OTOP2: variants seen among roughly 807,000 people sequenced by gnomAD.
OTOP2 encodes the protein otopetrin 2.
OTOP2 carries 41 observed loss-of-function variants against 47.4 expected under a neutral mutation model. That is an observed-to-expected ratio of 0.87 (90% CI 0.67 to 1.12). OTOP2 has a LOEUF of 1.12. Ranked by LOEUF, OTOP2 falls within the 50% of genes most tolerant of loss-of-function variation. The probability of loss-of-function intolerance (pLI) is 0.00; values close to 1 mark genes in which losing one functional copy is unlikely to be tolerated. For synonymous variants in OTOP2, 328 were observed against 319.6 expected, an observed-to-expected ratio of 1.03 and a Z score of -0.28; for missense variants, 721 against 752.2, an observed-to-expected ratio of 0.96 and a Z score of 0.49.
Position 74,924,912 on chromosome 17 carries a change from C to A in OTOP2, c.280C>A (p.Arg94=). 1.3e-6 allele frequency: 2 copies of A among 1,584,984 alleles called. No homozygotes were observed. Among genetic ancestry groups the A allele is most frequent in the African/African-American group, 1.3e-5 (1 of 74,758 alleles). The change falls in exon 2 of 7, where the codon CGG becomes AGG. Residue 94 remains arginine, a synonymous_variant. Coordinates refer to ENST00000331427, the MANE Select transcript of OTOP2 (RefSeq NM_178160.3). The surrounding 1 kb of genome is among the most constrained non-coding windows in gnomAD (Gnocchi z 7.7). ...TVRCPCAVPY[R]DAHAGPIWLR... ...GCGCTGCCCCTGCGCGGTACCCTAC[C>A]GGGACGCGCACGCTGGCCCCATCTG...
chr17:74,931,292 G>T (rs1343452621), intron 6 of OTOP2, 139 bp downstream of exon 6: 4 of 1,196,982 alleles, frequency 3.3e-6, no homozygotes, highest in African/African-American at 1.5e-5. Flanking sequence ...AAAGGAGCAG[G>T]TTCAGAGGGG....
Position 74,924,955 on chromosome 17 carries a change from G to A in OTOP2, c.313+10G>A. The A allele has an allele frequency of 6.5e-7, 1 of 1,545,876 alleles. No homozygotes were observed. Among genetic ancestry groups the A allele is most frequent in the Non-Finnish European group, 8.7e-7 (1 of 1,143,156 alleles). On this transcript the variant is annotated intron_variant, in intron 2 of 6. Transcript: ENST00000331427. The surrounding 1 kb of genome is among the most constrained non-coding windows in gnomAD (Gnocchi z 7.7). Reference sequence around the variant, plus strand: ...CCCATCTGGCTCCGAGGTGCCAGGGGAGGTGGGGGCGAGGTAGGGTGGGCA... The same window carrying A: ...CCCATCTGGCTCCGAGGTGCCAGGGAAGGTGGGGGCGAGGTAGGGTGGGCA...
rs1229209601 is a variant in OTOP2, at chr17:74,930,375, A to T, written c.740A>T (p.Asn247Ile). ...GGGTACTTCTACCTATATCCCTTCAACATCGAGTACAGCCTCTTCGCCTCC... is the reference window on the plus strand; with the variant it reads ...GGGTACTTCTACCTATATCCCTTCATCATCGAGTACAGCCTCTTCGCCTCC... ...QQGYFYLYPF[N>I]IEYSLFASTM... is the part of the protein sequence containing the mutation. Residue 247 changes from asparagine (N) to isoleucine (I), a missense_variant, in exon 6 of 7, where the codon AAC becomes ATC. Asn to Ile is a moderately radical substitution (Grantham distance 149). Transcript: ENST00000331427. This position sits in a 1 kb window ranked among gnomAD's most constrained non-coding sequence, Gnocchi z 4.0. 1 of 1,614,180 alleles carries T rather than the reference A, an allele frequency of 6.2e-7. No homozygotes were observed. The highest frequency in any genetic ancestry group is 2.2e-5 in the East Asian group (1 of 44,880).
chr17:74,927,533 C>A, intron 4 of OTOP2, 132 bp from the exon 5 acceptor site: 1 of 1,333,794 alleles, frequency 7.5e-7, no homozygotes. Flanking sequence ...GGCTGTGTTC[C>A]TACCAAAATC....
chr17:74,931,228 T>G, intron 6 of OTOP2, 75 bp downstream of exon 6: 2 of 1,508,152 alleles, frequency 1.3e-6, no homozygotes, highest in Non-Finnish European at 8.9e-7. Context: ...GCTTAAGCCC[T>G]TAGCCTTCTC....
In OTOP2 at chr17:74,927,286, G is replaced by C; in HGVS notation, c.509+5G>C. The C allele has an allele frequency of 6.2e-7, 1 of 1,611,418 alleles. No individual in the cohort carries two copies. Among genetic ancestry groups the C allele is most frequent in the Non-Finnish European group, 8.5e-7 (1 of 1,177,796 alleles). On this transcript the variant is annotated splice_donor_5th_base_variant and intron_variant, in intron 4 of 6. Coordinates refer to ENST00000331427, the MANE Select transcript of OTOP2 (RefSeq NM_178160.3). ...CGTCCACCTGGATCTGACCTGGTGAGAACTGCAGCTCGATGCCTGTACCCA... is the reference window on the plus strand; with the variant it reads ...CGTCCACCTGGATCTGACCTGGTGACAACTGCAGCTCGATGCCTGTACCCA...
In OTOP2 at chr17:74,933,685, G is replaced by A; in HGVS notation, c.*140G>A. On this transcript the variant is annotated 3_prime_UTR_variant, in exon 7 of 7. Coordinates refer to ENST00000331427, the MANE Select transcript of OTOP2 (RefSeq NM_178160.3). The surrounding 1 kb of genome is among the most constrained non-coding windows in gnomAD (Gnocchi z 4.7). ...GTCCCAGAGTGGAATTTTCACAAAA[G>A]TTATTTTTCCAGGTTCAATTTTTAA... 1 of 1,070,090 alleles carries A rather than the reference G, an allele frequency of 9.3e-7. No homozygotes were observed. The highest frequency in any genetic ancestry group is 1.3e-6 in the Non-Finnish European group (1 of 779,026). 66.3% of individuals were successfully genotyped at this position (1,070,090 alleles called of 1,614,324 possible).
intron 6 of OTOP2, 151 bp downstream of exon 6, chr17:74,931,304 C>T: frequency 9.1e-7 from 1 of 1,093,302 alleles, no homozygotes; most frequent in Non-Finnish European, 1.3e-6. Context: ...TCAGAGGGGG[C>T]CAGCTGTAGC....
intron 4 of OTOP2, 80 bp downstream of exon 4, chr17:74,927,361 G>A (rs1475801412): frequency 4.0e-5 from 60 of 1,484,896 alleles, no homozygotes; most frequent in Non-Finnish European, 5.5e-5. Flanking sequence ...CCACCCTGGG[G>A]CAGGGCCTCT....
In OTOP2 at chr17:74,933,165, G is replaced by A. The variant is rs1037498862; in HGVS notation, c.1519-210G>A. ...TGAGGTGGGCTAGCCTAGGGATGGC[G>A]AATTCAGTTGGGCTCACTTCCTGAG... On this transcript the variant is annotated intron_variant, in intron 6 of 6. Coordinates refer to ENST00000331427, the MANE Select transcript of OTOP2 (RefSeq NM_178160.3). The surrounding 1 kb of genome is among the most constrained non-coding windows in gnomAD (Gnocchi z 4.7). Among the ~76,000 whole-genome samples the A allele has an allele frequency of 7.9e-5, 12 of 152,178 alleles. No individual in the cohort carries two copies. The highest frequency in any genetic ancestry group is 2.1e-4 in the South Asian group (1 of 4,828).
chr17:74,925,325 A>G (rs1017154687), intron 2 of OTOP2, among the ~76,000 whole-genome samples: 7 of 151,946 alleles, frequency 4.6e-5, no homozygotes, highest in African/African-American at 1.7e-4. Flanking sequence ...CCATCCATCC[A>G]CCCACTCAGT....
chr17:74,929,135 C>T (rs781644513), intron 5 of OTOP2, among the ~76,000 whole-genome samples: 2 of 152,164 alleles, frequency 1.3e-5, no homozygotes, highest in Non-Finnish European at 2.9e-5. Context: ...TGAAAAGAGA[C>T]GTTTGCCAAG....
intron 5 of OTOP2, among the ~76,000 whole-genome samples, chr17:74,928,926 T>G (rs1017940748): frequency 3.3e-5 from 5 of 152,124 alleles, no homozygotes; most frequent in Non-Finnish European, 5.9e-5. Flanking sequence ...CAGAGAGGAC[T>G]CCTGAGGGTG....
At chr17:74,927,159 T>C in intron 3 of OTOP2, 64 bp from the exon 4 acceptor site, 1 of 1,412,642 alleles carries the variant, frequency 7.1e-7, no homozygotes. Flanking sequence ...GGCATGGACT[T>C]GGGTGCGCTG....
rs201849243 is a variant in OTOP2, at chr17:74,933,449, C to T, written c.1593C>T (p.Ser531=). 1 of 1,614,186 alleles carries T rather than the reference C, an allele frequency of 6.2e-7. No homozygotes were observed. Among genetic ancestry groups the T allele is most frequent in the East Asian group, 2.2e-5 (1 of 44,888 alleles). The part of the protein sequence containing the change: ...NTVEVDFYGY[S]LWAVIVNICL... Reference sequence around the variant, plus strand: ...TGGAGGTGGATTTCTACGGCTACTCCCTCTGGGCGGTCATCGTCAACATCT... The same window carrying T: ...TGGAGGTGGATTTCTACGGCTACTCTCTCTGGGCGGTCATCGTCAACATCT... Residue 531 remains serine, a synonymous_variant, in exon 7 of 7, where the codon TCC becomes TCT. Transcript: ENST00000331427. This position sits in a 1 kb window ranked among gnomAD's most constrained non-coding sequence, Gnocchi z 4.7.
At chr17:74,931,764 C>T (rs2039061021) in intron 6 of OTOP2, among the ~76,000 whole-genome samples, 1 of 152,048 alleles carries the variant, frequency 6.6e-6, no homozygotes, top group Admixed American at 6.6e-5. Context: ...ACCAGCCTGG[C>T]CAACAGGGTG....
At position 74,924,509 on chromosome 17, in the gene OTOP2, A is replaced by G; in HGVS notation, c.-33-91A>G. The G allele has an allele frequency of 8.3e-7, 1 of 1,200,100 alleles. No homozygotes were observed. The highest frequency in any genetic ancestry group is 1.1e-6 in the Non-Finnish European group (1 of 890,416). 74.3% of individuals were successfully genotyped at this position (1,200,100 alleles called of 1,614,324 possible). A position where few individuals can be genotyped will look rare whatever the true frequency, so the allele number is the denominator to read the frequency against. ...ACCCGAAGCCCCAACCCTGCGGGTC[A>G]GGAACTCCCTAGTCCCCAAGTCTAG... On this transcript the variant is annotated intron_variant, in intron 1 of 6. Transcript: ENST00000331427. The surrounding 1 kb of genome is among the most constrained non-coding windows in gnomAD (Gnocchi z 7.7).
In OTOP2 at chr17:74,930,584, G is replaced by T; in HGVS notation, c.949G>T (p.Asp317Tyr). 1 of 1,613,988 alleles carries T rather than the reference G, an allele frequency of 6.2e-7. No homozygotes were observed. Among genetic ancestry groups the T allele is most frequent in the Non-Finnish European group, 8.5e-7 (1 of 1,180,004 alleles). Residue 317 changes from aspartate (D) to tyrosine (Y), a missense_variant, in exon 6 of 7, where the codon GAC (aspartate) becomes TAC (tyrosine). Transcript: ENST00000331427. This position sits in a 1 kb window ranked among gnomAD's most constrained non-coding sequence, Gnocchi z 4.0. ...FIIYEVQVSG[D>Y]GSRTRQALVI... ...CATCTACGAGGTTCAAGTGAGCGGGGACGGGAGCCGCACCAGGCAGGCCCT... is the reference window on the plus strand; with the variant it reads ...CATCTACGAGGTTCAAGTGAGCGGGTACGGGAGCCGCACCAGGCAGGCCCT...
chr17:74,929,448 CAG>C (rs1173250146), intron 5 of OTOP2, among the ~76,000 whole-genome samples: 1 of 152,038 alleles, frequency 6.6e-6, no homozygotes. Flanking sequence ...TTGTTTGAGA[CAG>C]AGTCTTGCTC....
Sources: allele counts gnomAD v4.1 joint callset (sites outside exome capture counted in the v4.1 genomes callset), GRCh38; gene constraint gnomAD v4.1.1; non-coding constraint Gnocchi (gnomAD v3.1); transcripts MANE v1.5; gene names NCBI Gene and HGNC (gene_info 2026-07-23, HGNC 2026-07-21).